The following GMDS variants were observed in gnomAD, a reference collection of about 807,000 sequenced individuals.
The protein encoded by GMDS is GDP-mannose 4,6 dehydratase.
Under a neutral mutation model 49.9 loss-of-function variants are expected in GMDS, and 20 were observed. The ratio of observed to expected loss-of-function variants is 0.40; its 90% CI spans 0.28 to 0.58. GMDS has a LOEUF of 0.58. GMDS is among the 20% of genes least tolerant of loss of function. The pLI is 0.42. For missense variants in GMDS, 362 were observed against 481.4 expected (o/e 0.75, Z 2.32); for synonymous variants, 177 against 178.6 (o/e 0.99, Z 0.07).
At chr6:1,722,106 G>A (rs1306154331) in intron 9 of GMDS, among the ~76,000 whole-genome samples, 32 of 118,780 alleles carry the variant, frequency 2.7e-4, no homozygotes, top group Admixed American at 5.7e-4. Context: ...TTGCTTTGAC[G>A]CCCAGGCTGG....
rs544428601 is a variant in GMDS at position 1,732,049 on chromosome 6, C to T, written c.891-5537G>A. Among the ~76,000 whole-genome samples the T allele has an allele frequency of 1.3e-4, 20 of 152,294 alleles. No individual in the cohort carries two copies. In the South Asian group the frequency reaches 1.9e-3, roughly 14 times the overall value. On this transcript the variant is annotated intron_variant, in intron 8 of 10. Coordinates refer to ENST00000380815, the MANE Select transcript of GMDS (RefSeq NM_001500.4). ...ATTGTACATAGAAGATAAAATAGGC[C>T]GGGCATGGTGGCTCACGCCTGTAAT...
intron 4 of GMDS, among the ~76,000 whole-genome samples, chr6:2,003,650 T>C (rs1284583809): frequency 6.6e-6 from 1 of 152,164 alleles, no homozygotes; most frequent in Non-Finnish European, 1.5e-5. Flanking sequence ...CCTTACAATC[T>C]CAAAGCAGTT....
At chr6:1,892,962 A>T (rs1366298313) in intron 7 of GMDS, among the ~76,000 whole-genome samples, 3 of 152,246 alleles carry the variant, frequency 2.0e-5, no homozygotes, top group Non-Finnish European at 1.5e-5. Context: ...GCAGAGTTCC[A>T]CACTAGCTCC....
At chr6:2,062,221 C>T (rs1314828586) in intron 4 of GMDS, among the ~76,000 whole-genome samples, 2 of 152,124 alleles carry the variant, frequency 1.3e-5, no homozygotes, top group African/African-American at 2.4e-5. Context: ...CTACCTGAGG[C>T]GCTGGATGGG....
chr6:1,960,916 AG>A lies in GMDS; in HGVS notation c.395del (p.Thr132IlefsTer5). Reference sequence around the variant, plus strand: ...TCTTAACTGCATCTAGAAGTCGTAGAGTGCCAACTCCGTCAACGTCCGCAGT... The same window carrying A: ...TCTTAACTGCATCTAGAAGTCGTAGATGCCAACTCCGTCAACGTCCGCAGT... ...EYTADVDGVGTLRLLDAVKTC... is the reference protein window; with the variant it reads ...EYTADVDGVGXLRLLDAVKTC... On this transcript the variant is annotated frameshift_variant, in exon 5 of 11. Transcript: ENST00000380815. LOFTEE classifies it high-confidence loss of function. 1.2e-6 allele frequency: 2 copies of A among 1,603,874 alleles called. No individual in the cohort carries two copies. The highest frequency in any genetic ancestry group is 1.7e-6 in the Non-Finnish European group (2 of 1,171,978).
chr6:2,218,889 T>C (rs1780457941), intron 1 of GMDS, among the ~76,000 whole-genome samples: 1 of 152,196 alleles, frequency 6.6e-6, no homozygotes, highest in African/African-American at 2.4e-5. Context: ...ACCTAACACC[T>C]GTGCTTTTTC....
chr6:1,760,283 A>G (rs1239425896), intron 7 of GMDS, among the ~76,000 whole-genome samples: 1 of 152,242 alleles, frequency 6.6e-6, no homozygotes, highest in East Asian at 1.9e-4. Context: ...ATAAAGAGCA[A>G]ATAGGACTTC....
At chr6:1,795,192 T>G (rs537182859) in intron 7 of GMDS, among the ~76,000 whole-genome samples, 1 of 152,172 alleles carries the variant, frequency 6.6e-6, no homozygotes, top group Non-Finnish European at 1.5e-5. Flanking sequence ...ACAGTCAGAC[T>G]CCGTCTCAAA....
At chr6:2,019,702 G>A (rs1186162939) in intron 4 of GMDS, among the ~76,000 whole-genome samples, 5 of 151,976 alleles carry the variant, frequency 3.3e-5, no homozygotes, top group East Asian at 1.9e-4. Flanking sequence ...CACCTGCCTC[G>A]GCCTCCCAAA....
chr6:2,060,315 T>C (rs1317287554), intron 4 of GMDS, among the ~76,000 whole-genome samples: 1 of 152,242 alleles, frequency 6.6e-6, no homozygotes, highest in Non-Finnish European at 1.5e-5. Flanking sequence ...TTCGTTTTTT[T>C]GTTTTCTTTT....
chr6:1,624,552 G>A lies in GMDS; in HGVS notation c.988-12C>T, dbSNP rs1445159522. ...CCCTGCAGAAAGTCCTAGGGAAGAA[G>A]AGGGGGAGACGAAGCAGGCGTGGGT... On this transcript the variant is annotated splice_polypyrimidine_tract_variant and intron_variant, in intron 9 of 10. Coordinates refer to ENST00000380815, the MANE Select transcript of GMDS (RefSeq NM_001500.4). 1.2e-6 allele frequency: 2 copies of A among 1,609,466 alleles called. No homozygotes were observed. The highest frequency in any genetic ancestry group is 2.2e-5 in the East Asian group (1 of 44,816).
rs1763282607 is a variant in GMDS at position 1,640,123 on chromosome 6, T to C, written c.988-15583A>G. Among the ~76,000 whole-genome samples, 1 of 152,128 alleles carries C rather than the reference T, an allele frequency of 6.6e-6. No individual in the cohort carries two copies. Among genetic ancestry groups the C allele is most frequent in the Admixed American group, 6.5e-5 (1 of 15,274 alleles). On this transcript the variant is annotated intron_variant, in intron 9 of 10. Transcript: ENST00000380815. This position sits in a 1 kb window ranked among gnomAD's most constrained non-coding sequence, Gnocchi z 4.0. ...TCTACTGGGGCCCAGGGGATGCAGT[T>C]AGACCCCAGAAGGATGTACCAGTCC...
At position 2,156,608 on chromosome 6, in the gene GMDS, T is replaced by TA. The variant is rs537541833; in HGVS notation, c.103-31878dup. On this transcript the variant is annotated intron_variant, in intron 1 of 10. Coordinates refer to ENST00000380815, the MANE Select transcript of GMDS (RefSeq NM_001500.4). ...TGTAGTGATACTTTGTTTTAAGAAATAAAAAAAACTTAAATTTCAAAATAT... is the reference window on the plus strand; with the variant it reads ...TGTAGTGATACTTTGTTTTAAGAAATAAAAAAAAACTTAAATTTCAAAATAT... Among the ~76,000 whole-genome samples, 845 of 152,066 alleles carry TA rather than the reference T, an allele frequency of 5.6e-3. 2 individuals are homozygous for TA. Among genetic ancestry groups the TA allele is most frequent in the Middle Eastern group, 0.017 (5 of 294 alleles).
chr6:1,657,625 G>A (rs1351842664), intron 9 of GMDS, among the ~76,000 whole-genome samples: 2 of 152,084 alleles, frequency 1.3e-5, no homozygotes, highest in African/African-American at 4.8e-5. Flanking sequence ...TTCACTGGCT[G>A]AGTTTGTGAG....
chr6:1,629,507 C>T lies in GMDS; in HGVS notation c.988-4967G>A, dbSNP rs370393243. ...GGGAAATGGAGTCAGTCAGCACTGG[C>T]CCGAGGAGGGTGCAGGCAGTGGAGA... On this transcript the variant is annotated intron_variant, in intron 9 of 10. Coordinates refer to ENST00000380815, the MANE Select transcript of GMDS (RefSeq NM_001500.4). Among the ~76,000 whole-genome samples the T allele has an allele frequency of 5.0e-4, 76 of 152,224 alleles. No homozygotes were observed. In the East Asian group the frequency reaches 0.013, roughly 25 times the overall value.
rs895045534 is a variant in GMDS, at chr6:2,059,281, G to GT, written c.345+56489dup. Among the ~76,000 whole-genome samples, 10 of 139,004 alleles carry GT rather than the reference G, an allele frequency of 7.2e-5. No individual in the cohort carries two copies. In the South Asian group the frequency reaches 1.0e-3, roughly 14 times the overall value. 91.2% of individuals were successfully genotyped at this position (139,004 alleles called of 152,430 possible). On this transcript the variant is annotated intron_variant, in intron 4 of 10. Coordinates refer to ENST00000380815, the MANE Select transcript of GMDS (RefSeq NM_001500.4). ...AAATATGTAATTTATTTGAACTATT[G>GT]TTTTTTTAATTTGAGGCATATTAAA...
intron 7 of GMDS, among the ~76,000 whole-genome samples, chr6:1,848,819 G>A (rs1198350811): frequency 6.6e-6 from 1 of 152,170 alleles, no homozygotes; most frequent in Non-Finnish European, 1.5e-5. Flanking sequence ...GGTGTGTGAA[G>A]TATAGTGAAG....
At chr6:1,654,528 A>G (rs1763811046) in intron 9 of GMDS, among the ~76,000 whole-genome samples, 3 of 152,348 alleles carry the variant, frequency 2.0e-5, no homozygotes, top group Non-Finnish European at 2.9e-5. Flanking sequence ...CAAATACTCC[A>G]TGGTTCCACT....
intron 1 of GMDS, among the ~76,000 whole-genome samples, chr6:2,130,935 T>C (rs756784494): frequency 1.3e-5 from 2 of 152,188 alleles, no homozygotes; most frequent in Non-Finnish European, 1.5e-5. Context: ...CCTTAATTTT[T>C]TTTTCAGGGA....
Sources: gnomAD v4.1 joint callset for allele counts (sites outside exome capture counted in the v4.1 genomes callset) on GRCh38, gnomAD v4.1.1 for gene constraint, Gnocchi (gnomAD v3.1) non-coding constraint, MANE v1.5 for transcripts, NCBI Gene and HGNC (gene_info 2026-07-23, HGNC 2026-07-21) for gene names.